BSCL2: variants seen among roughly 807,000 people sequenced by gnomAD.
The protein encoded by BSCL2 is BSCL2 lipid droplet biogenesis associated, seipin.
Under a neutral mutation model 57.4 loss-of-function variants are expected in BSCL2, and 41 were observed. That is an observed-to-expected ratio of 0.71 (90% CI 0.56 to 0.93). BSCL2 has a LOEUF of 0.93. Among genes scored for constraint, BSCL2 ranks in the 40% least tolerant of loss-of-function variants. The probability of loss-of-function intolerance (pLI) is 0.00; values close to 1 mark genes in which losing one functional copy is unlikely to be tolerated. For missense variants in BSCL2, 539 were observed against 586.7 expected (o/e 0.92, Z 0.84); for synonymous variants, 237 against 227.3 (o/e 1.04, Z -0.38).
upstream of BSCL2, chr11:62,707,455 C>T: frequency 1.5e-6 from 1 of 689,052 alleles, no homozygotes; most frequent in East Asian, 2.7e-5. Context: ...AGTACAGACT[C>T]CACTGCAGGG....
intron 6 of BSCL2, among the ~76,000 whole-genome samples, chr11:62,691,977 G>A (rs1349195838): frequency 3.3e-5 from 5 of 151,634 alleles, no homozygotes; most frequent in African/African-American, 9.7e-5. Context: ...GTGTGAACCC[G>A]GGAGGCAGAG....
chr11:62,708,485 C>T, upstream of BSCL2: 1 of 1,226,472 alleles, frequency 8.2e-7, no homozygotes, highest in Non-Finnish European at 1.2e-6. Context: ...GCGTTCTTTC[C>T]TTCACTCCCT....
At chr11:62,694,495 A>G (rs965775441) in intron 4 of BSCL2, 73 bp downstream of exon 4, 4 of 1,608,348 alleles carry the variant, frequency 2.5e-6, no homozygotes, top group Admixed American at 3.4e-5. Context: ...CTGAGCCACC[A>G]CACCCAGCCC....
At chr11:62,691,206 G>A (rs1197037872) in intron 7 of BSCL2, 65 bp from the exon 8 acceptor site, 2 of 1,613,600 alleles carry the variant, frequency 1.2e-6, no homozygotes, top group African/African-American at 1.3e-5. Flanking sequence ...GGACCCTCAT[G>A]CCTTAATCCC....
At position 62,705,455 on chromosome 11, in the gene BSCL2, A is replaced by C. The variant is rs1247598665; in HGVS notation, c.250T>G (p.Leu84Val). Residue 84 changes from leucine to valine, a missense_variant, in exon 2 of 11, where the codon TTG becomes GTG. By Grantham distance (32) the Leu-to-Val change is conservative (BLOSUM62 1). Coordinates refer to ENST00000360796, the MANE Select transcript of BSCL2 (RefSeq NM_001122955.4). ...AGCAGCCTGCGGGCACGGCCTGCCA[A>C]GACTTGGCCCACCTCCTGGGCCCAC... ...LLWAQEVGQV[L>V]AGRARRLLLQ... 3 of 1,614,096 alleles carry C rather than the reference A, an allele frequency of 1.9e-6. No homozygotes were observed. In the Admixed American group the frequency reaches 5.0e-5, roughly 27 times the overall value.
rs765115833 is a variant in BSCL2, at chr11:62,691,454, G to A, written c.864-33C>T. The A allele has an allele frequency of 4.0e-5, 65 of 1,611,728 alleles. 1 individual carries two copies. In the East Asian group the frequency reaches 1.4e-3, roughly 35 times the overall value. On this transcript the variant is annotated intron_variant, in intron 6 of 10. Transcript: ENST00000360796. ...AGGAAGTAGGGACAAGAAGGTAGTA[G>A]CAGTTACCAGAGAGCACCAGCCTTC...
At chr11:62,709,532 T>C, upstream of BSCL2, 1 of 451,192 alleles carries the variant, frequency 2.2e-6, no homozygotes, top group Non-Finnish European at 4.5e-6. Context: ...GGGCGGAGCT[T>C]GGCTTCAGTT....
At chr11:62,709,452 C>T (rs1173203128), upstream of BSCL2, 1 of 453,826 alleles carries the variant, frequency 2.2e-6, no homozygotes, top group East Asian at 7.0e-5. Context: ...GGTAAACAGG[C>T]CGAAGAGGGG....
intron 2 of BSCL2, among the ~76,000 whole-genome samples, chr11:62,703,551 C>T (rs148598744): frequency 0.037 from 5,541 of 150,866 alleles, 339 homozygotes; most frequent in African/African-American, 0.13. Flanking sequence ...CAGGGTTTCA[C>T]GGTGTTAGCC....
chr11:62,690,471 C>A lies in BSCL2; in HGVS notation c.1285G>T (p.Ala429Ser). Residue 429 changes from alanine to serine, a missense_variant, in exon 11 of 11, where the codon GCT becomes TCT. Physicochemically the swap from Ala to Ser is moderately conservative, Grantham distance 99 (BLOSUM62 1). This residue lies in a region of BSCL2 where 248 missense variants were observed against 239.9 expected (regional missense o/e 1.03). Transcript: ENST00000360796. Reference protein sequence around the residue: ...AALLTEANLPAPAPASASAPV... With the variant: ...AALLTEANLPSPAPASASAPV... ...GCAGAAGCAGAAGCAGGAGCAGGAG[C>A]AGGCAGGTTGGCCTCCGTCAGCAAA... is the stretch of plus-strand genomic sequence containing the variant. The A allele has an allele frequency of 1.2e-6, 2 of 1,614,186 alleles. No individual in the cohort carries two copies. The highest frequency in any genetic ancestry group is 1.7e-6 in the Non-Finnish European group (2 of 1,180,034).
chr11:62,698,993 C>T (rs1218277537), intron 3 of BSCL2, among the ~76,000 whole-genome samples: 1 of 151,990 alleles, frequency 6.6e-6, no homozygotes, highest in Admixed American at 6.6e-5. Flanking sequence ...GCAACCTCCG[C>T]CTCCTGGGTT....
At chr11:62,708,241 T>C, upstream of BSCL2, 1 of 1,153,708 alleles carries the variant, frequency 8.7e-7, no homozygotes, top group Admixed American at 1.7e-5. Flanking sequence ...GGAGTGAGCA[T>C]GGAGGGGGGC....
upstream of BSCL2, chr11:62,708,034 C>G: frequency 2.0e-6 from 1 of 505,370 alleles, no homozygotes; most frequent in Non-Finnish European, 3.6e-6. Flanking sequence ...GTTTGAAGGG[C>G]TGAAAAGCCT....
intron 1 of BSCL2, chr11:62,706,283 C>T: frequency 9.0e-7 from 1 of 1,110,206 alleles, no homozygotes; most frequent in African/African-American, 1.7e-5. Flanking sequence ...GCCAGGGCAA[C>T]CGTGAGACGG....
chr11:62,705,062 G>GATCCTCATAA (rs1945779193), intron 2 of BSCL2, among the ~76,000 whole-genome samples: 1 of 150,174 alleles, frequency 6.7e-6, no homozygotes, highest in Non-Finnish European at 1.5e-5. Context: ...AATGATAGAA[G>GATCCTCATAA]TGGATATTTT....
rs757846034 is a variant in BSCL2 at position 62,690,796 on chromosome 11, A to G, written c.1144T>C (p.Ser382Pro). 16 of 1,613,548 alleles carry G rather than the reference A, an allele frequency of 9.9e-6. No individual in the cohort carries two copies. In the African/African-American group the frequency reaches 1.7e-4, roughly 17 times the overall value. The change falls in exon 9 of 11, where the codon TCA becomes CCA. Residue 382 changes from serine to proline, a missense_variant. By Grantham distance (74) the Ser-to-Pro change is moderately conservative. This residue lies in a region of BSCL2 where 248 missense variants were observed against 239.9 expected (regional missense o/e 1.03). Coordinates refer to ENST00000360796, the MANE Select transcript of BSCL2 (RefSeq NM_001122955.4). ...GGTGGCTGCGCCATACCTGTCCCTG[A>G]GGGATCTTCAGGGCTCTCACCATCC... ...TEDGESPEDP[S>P]GTEGQLSEEE...
At chr11:62,708,224 T>C (rs1167773341), upstream of BSCL2, 7 of 942,812 alleles carry the variant, frequency 7.4e-6, no homozygotes, top group African/African-American at 1.6e-5. Context: ...CTTGTAAAGG[T>C]TGGTGTGGAG....
At chr11:62,698,946 G>GC (rs1945555776) in intron 3 of BSCL2, among the ~76,000 whole-genome samples, 1 of 151,664 alleles carries the variant, frequency 6.6e-6, no homozygotes, top group Admixed American at 6.6e-5. Context: ...TTGCTCTGTC[G>GC]CCAGGCTGGA....
intron 3 of BSCL2, among the ~76,000 whole-genome samples, chr11:62,695,249 T>C (rs184584864): frequency 3.0e-4 from 46 of 152,108 alleles, no homozygotes; most frequent in Admixed American, 2.4e-3. Flanking sequence ...CCTCAAGAGG[T>C]TAAAGATTTG....
Sources: allele counts gnomAD v4.1 joint callset (sites outside exome capture counted in the v4.1 genomes callset), GRCh38; gene constraint gnomAD v4.1.1; regional missense constraint gnomAD v4.1.1; transcripts MANE v1.5; gene names NCBI Gene and HGNC (gene_info 2026-07-23, HGNC 2026-07-21).